CELF2: variants seen among roughly 807,000 people sequenced by gnomAD.
CELF2 encodes the protein CUG triplet repeat RNA-binding protein 2.
A neutral mutation model predicts 62.6 loss-of-function variants in CELF2; 8 were observed. The ratio of observed to expected loss-of-function variants is 0.13; its 90% CI spans 0.07 to 0.23. The LOEUF (loss-of-function observed/expected upper bound fraction) is 0.23, where lower values mean the gene tolerates loss of function less well. CELF2 is among the 10% of genes least tolerant of loss of function. The pLI is 1.00. For missense variants in CELF2, 333 were observed against 671.0 expected, an observed-to-expected ratio of 0.50 and a Z score of 5.56; for synonymous variants, 258 against 250.0, an observed-to-expected ratio of 1.03 and a Z score of -0.30.
At chr10:10,841,325 T>TG (rs2058669500) in intron 1 of CELF2, among the ~76,000 whole-genome samples, 1 of 142,368 alleles carries the variant, frequency 7.0e-6, no homozygotes, top group African/African-American at 2.7e-5. Flanking sequence ...CTTTCATATA[T>TG]TGTGCATTTG....
intron 1 of CELF2, among the ~76,000 whole-genome samples, chr10:10,887,931 G>T (rs918491471): frequency 3.3e-5 from 5 of 151,978 alleles, no homozygotes; most frequent in African/African-American, 1.2e-4. Flanking sequence ...GCCACCACAC[G>T]CGGCTAATTT....
intron 1 of CELF2, among the ~76,000 whole-genome samples, chr10:10,804,435 G>A (rs1326983147): frequency 2.0e-5 from 3 of 152,240 alleles, no homozygotes; most frequent in African/African-American, 7.2e-5. Flanking sequence ...GGCTTTGACA[G>A]ATAGTTGGAG....
chr10:10,941,026 C>T lies in CELF2; in HGVS notation c.89+21027C>T, dbSNP rs575012593. ...TCAGGGTGATCTTTTATCTTCTTCA[C>T]GGGGTCCTGAGTGATGTTGTTCTAG... On this transcript the variant is annotated intron_variant, in intron 2 of 13. Coordinates refer to the CELF2 transcript ENST00000636488. Among the ~76,000 whole-genome samples, 17 of 152,148 alleles carry T rather than the reference C, an allele frequency of 1.1e-4. No individual in the cohort carries two copies. In the South Asian group the frequency reaches 2.1e-3, roughly 19 times the overall value.
chr10:11,010,235 G>A lies in CELF2; in HGVS notation c.53+4795G>A, dbSNP rs1212833015. The A allele has an allele frequency of 6.6e-6, 1 of 152,142 alleles. No individual in the cohort carries two copies. Among genetic ancestry groups the A allele is most frequent in the Non-Finnish European group, 1.5e-5 (1 of 68,016 alleles). The allele number at this position is 152,142 out of a possible 1,614,324, so 9.4% of individuals were successfully genotyped here. On this transcript the variant is annotated intron_variant, in intron 1 of 12. Transcript: ENST00000416382. The surrounding 1 kb of genome is among the most constrained non-coding windows in gnomAD (Gnocchi z 4.1). Reference sequence around the variant, plus strand: ...CATGTTGACCTTGTTTATGAAAAACGATTTGATAAAAACGAATGGAGACCC... The same window carrying A: ...CATGTTGACCTTGTTTATGAAAAACAATTTGATAAAAACGAATGGAGACCC...
Position 10,928,073 on chromosome 10 carries a change from A to T in CELF2, c.89+8074A>T, listed in dbSNP as rs2065716145. On this transcript the variant is annotated intron_variant, in intron 2 of 13. Coordinates refer to the CELF2 transcript ENST00000636488. The surrounding 1 kb of genome is among the most constrained non-coding windows in gnomAD (Gnocchi z 4.8). ...CCTTTCTCCGCACTTACTTCCACAG[A>T]AAGTTCTCCTTTCACCACCCTATTA... 6.6e-6 allele frequency among the ~76,000 whole-genome samples: 1 copy of T among 152,130 alleles called. No homozygotes were observed. Among genetic ancestry groups the T allele is most frequent in the African/African-American group, 2.4e-5 (1 of 41,426 alleles).
chr10:10,787,226 T>TCA, the CELF2 span, among the ~76,000 whole-genome samples: 2,316 of 143,942 alleles, frequency 0.016, 29 homozygotes, highest in African/African-American at 0.029. Flanking sequence ...AGGTTTGATG[T>TCA]CACACACACA....
At chr10:11,051,310 G>A (rs1416115419) in intron 1 of CELF2, among the ~76,000 whole-genome samples, 1 of 152,198 alleles carries the variant, frequency 6.6e-6, no homozygotes, top group Non-Finnish European at 1.5e-5. Flanking sequence ...CACTTGAAAT[G>A]CTTCCTTACA....
At chr10:11,007,629 T>C (rs1417555926) in intron 1 of CELF2, among the ~76,000 whole-genome samples, 2 of 152,212 alleles carry the variant, frequency 1.3e-5, no homozygotes, top group South Asian at 2.1e-4. Context: ...TACCAATAAC[T>C]GCTTTCAAGA....
At chr10:10,505,633 C>A in the CELF2 span, among the ~76,000 whole-genome samples, 1 of 152,106 alleles carries the variant, frequency 6.6e-6, no homozygotes. Context: ...CCCTGGAATA[C>A]CTTGTTACAG....
At chr10:11,047,176 A>G (rs2063008946) in intron 1 of CELF2, among the ~76,000 whole-genome samples, 2 of 152,156 alleles carry the variant, frequency 1.3e-5, no homozygotes, top group South Asian at 4.1e-4. Flanking sequence ...TGCTACTTAG[A>G]AGGGAATACA....
At chr10:10,715,565 A>G in the CELF2 span, among the ~76,000 whole-genome samples, 1 of 152,214 alleles carries the variant, frequency 6.6e-6, no homozygotes, top group Non-Finnish European at 1.5e-5. Context: ...TTTACATAAT[A>G]TTGTGGGTTC....
intron 1 of CELF2, among the ~76,000 whole-genome samples, chr10:11,142,774 G>T (rs2061572487): frequency 6.6e-6 from 1 of 150,968 alleles, no homozygotes; most frequent in East Asian, 1.9e-4. Context: ...TTAGGAAAAA[G>T]AACTCAGTAG....
At position 11,329,146 on chromosome 10, in the gene CELF2, C is replaced by T; in HGVS notation, c.*93C>T. 1.5e-6 allele frequency: 2 copies of T among 1,335,782 alleles called. No homozygotes were observed. Among genetic ancestry groups the T allele is most frequent in the East Asian group, 5.1e-5 (2 of 39,038 alleles). The allele number at this position is 1,335,782 out of a possible 1,614,324, so 82.7% of individuals were successfully genotyped here. A position where few individuals can be genotyped will look rare whatever the true frequency, so the allele number is the denominator to read the frequency against. ...CTCAACAGGGAAGGCAGAGGAGGAC[C>T]ACATTGCCAACTTTTACCAAGAGAG... is the stretch of plus-strand genomic sequence containing the variant. On this transcript the variant is annotated 3_prime_UTR_variant, in exon 13 of 13. Coordinates refer to ENST00000633077, the MANE Select transcript of CELF2 (RefSeq NM_001326342.2). The surrounding 1 kb of genome is among the most constrained non-coding windows in gnomAD (Gnocchi z 5.5).
the CELF2 span, among the ~76,000 whole-genome samples, chr10:10,517,279 G>A: frequency 6.6e-6 from 1 of 152,074 alleles, no homozygotes; most frequent in East Asian, 1.9e-4. Context: ...CTGGCCTGAA[G>A]TGGTAGGAGG....
chr10:10,695,491 T>C, the CELF2 span, among the ~76,000 whole-genome samples: 1 of 150,714 alleles, frequency 6.6e-6, no homozygotes, highest in African/African-American at 2.4e-5. Context: ...TGTCTTGGAG[T>C]TGCTCTTCTC....
intron 2 of CELF2, among the ~76,000 whole-genome samples, chr10:10,927,616 A>T (rs2065656942): frequency 6.6e-6 from 1 of 152,112 alleles, no homozygotes; most frequent in Admixed American, 6.5e-5. Context: ...TTTTGTGGAG[A>T]TGGAGTCTTG....
the CELF2 span, among the ~76,000 whole-genome samples, chr10:10,561,197 G>GA: frequency 5.1e-4 from 76 of 150,460 alleles, 1 homozygote; most frequent in Admixed American, 1.1e-3. Context: ...TCTTCTATTG[G>GA]AAAAAAAAAG....
At chr10:11,327,852 A>G (rs1042220070) in intron 12 of CELF2, among the ~76,000 whole-genome samples, 3 of 152,152 alleles carry the variant, frequency 2.0e-5, no homozygotes, top group African/African-American at 7.2e-5. Flanking sequence ...TTGTAAAGGA[A>G]TTTTCTCTTT....
At chr10:10,637,515 G>A in the CELF2 span, among the ~76,000 whole-genome samples, 2 of 152,172 alleles carry the variant, frequency 1.3e-5, no homozygotes, top group South Asian at 2.1e-4. Flanking sequence ...CTAGTGACAG[G>A]AGATGAGGAA....
Sources: gnomAD v4.1 joint callset for allele counts (sites outside exome capture counted in the v4.1 genomes callset) on GRCh38, gnomAD v4.1.1 for gene constraint, Gnocchi (gnomAD v3.1) non-coding constraint, MANE v1.5 for transcripts, NCBI Gene and HGNC (gene_info 2026-07-23, HGNC 2026-07-21) for gene names.